BACE2: variants seen among roughly 807,000 people sequenced by gnomAD.
BACE2 encodes beta-secretase 2.
In BACE2, 17 loss-of-function variants were observed where a neutral mutation model predicts 46.2. The ratio of observed to expected loss-of-function variants is 0.37; its 90% CI spans 0.25 to 0.55. BACE2 has a LOEUF of 0.55. BACE2 is among the 20% of genes least tolerant of loss of function. BACE2 has a pLI of 0.82. For synonymous variants in BACE2, 277 were observed against 295.9 expected (o/e 0.94, Z 0.66); for missense variants, 595 against 698.1 (o/e 0.85, Z 1.66).
chr21:41,273,780 C>T (rs1325125741), intron 8 of BACE2, among the ~76,000 whole-genome samples: 6 of 152,168 alleles, frequency 3.9e-5, no homozygotes, highest in Admixed American at 3.9e-4. Flanking sequence ...GATAAATGTC[C>T]ATGAAATCTT....
chr21:41,172,371 A>G (rs1043642700), intron 1 of BACE2, among the ~76,000 whole-genome samples: 1 of 152,206 alleles, frequency 6.6e-6, no homozygotes, highest in Non-Finnish European at 1.5e-5. Context: ...GGAGTGTTGG[A>G]CACTCAAAGG....
chr21:41,265,604 C>G (rs2123642262), intron 8 of BACE2, among the ~76,000 whole-genome samples: 1 of 152,156 alleles, frequency 6.6e-6, no homozygotes, highest in East Asian at 1.9e-4. Context: ...TTGTCCTTTT[C>G]TATGAACTAC....
At chr21:41,254,633 G>A (rs1987729385) in intron 7 of BACE2, among the ~76,000 whole-genome samples, 2 of 152,216 alleles carry the variant, frequency 1.3e-5, no homozygotes, top group Admixed American at 6.5e-5. Flanking sequence ...CCAAGAAATT[G>A]TTACTGCTGG....
At chr21:41,258,091 T>A (rs1007879096) in intron 8 of BACE2, among the ~76,000 whole-genome samples, 1 of 151,606 alleles carries the variant, frequency 6.6e-6, no homozygotes, top group Non-Finnish European at 1.5e-5. Context: ...AGAGCCTGAA[T>A]CAGAAAAGTG....
intron 3 of BACE2, among the ~76,000 whole-genome samples, chr21:41,238,954 T>TAAAAAA (rs34474586): frequency 2.7e-4 from 23 of 85,670 alleles, no homozygotes; most frequent in South Asian, 4.8e-4. Flanking sequence ...AAAGTATAAT[T>TAAAAAA]AAAAAAAAAA....
intron 6 of BACE2, among the ~76,000 whole-genome samples, chr21:41,246,825 T>G (rs1181276828): frequency 6.6e-6 from 1 of 152,196 alleles, no homozygotes; most frequent in Non-Finnish European, 1.5e-5. Flanking sequence ...GCTGGATGCC[T>G]GGCGAGGGGT....
intron 7 of BACE2, among the ~76,000 whole-genome samples, chr21:41,251,795 G>A (rs368510465): frequency 1.3e-4 from 19 of 151,800 alleles, no homozygotes; most frequent in African/African-American, 3.9e-4. Flanking sequence ...GTGAGACTCT[G>A]TCTCAGAAAA....
chr21:41,194,676 A>C (rs953276049), intron 1 of BACE2, among the ~76,000 whole-genome samples: 2 of 152,294 alleles, frequency 1.3e-5, no homozygotes, highest in African/African-American at 4.8e-5. Context: ...TTTTTGAGCT[A>C]TTGGTCTGAT....
In BACE2 at chr21:41,257,258, T is replaced by C; in HGVS notation, c.1235T>C (p.Met412Thr). ...GCGCTGGTGATCGGTGCCACGGTGA[T>C]GGAGGGCTTCTACGTCATCTTCGAC... ...TNALVIGATV[M>T]EGFYVIFDRA... The change falls in exon 8 of 9, where the codon ATG becomes ACG. Residue 412 changes from methionine (M) to threonine (T), a missense_variant. By Grantham distance (81) the Met-to-Thr change is moderately conservative. Coordinates refer to ENST00000330333, the MANE Select transcript of BACE2 (RefSeq NM_012105.5). The C allele has an allele frequency of 6.2e-7, 1 of 1,614,196 alleles. No individual in the cohort carries two copies. Among genetic ancestry groups the C allele is most frequent in the Non-Finnish European group, 8.5e-7 (1 of 1,180,022 alleles).
chr21:41,251,552 G>C (rs1987640055), intron 7 of BACE2, among the ~76,000 whole-genome samples: 1 of 152,230 alleles, frequency 6.6e-6, no homozygotes. Flanking sequence ...TGTAATCCCA[G>C]CACTTTGGGA....
At chr21:41,211,319 G>A (rs1986296650) in intron 1 of BACE2, among the ~76,000 whole-genome samples, 3 of 152,090 alleles carry the variant, frequency 2.0e-5, no homozygotes, top group Admixed American at 2.0e-4. Flanking sequence ...TCTCACACAT[G>A]CACACACAGC....
At chr21:41,244,891 G>C (rs1182603509) in intron 5 of BACE2, among the ~76,000 whole-genome samples, 1 of 151,488 alleles carries the variant, frequency 6.6e-6, no homozygotes, top group Non-Finnish European at 1.5e-5. Flanking sequence ...GAGTGTGTGT[G>C]TATGTGTGTG....
At chr21:41,256,688 C>T (rs553503191) in intron 7 of BACE2, among the ~76,000 whole-genome samples, 90 of 152,304 alleles carry the variant, frequency 5.9e-4, no homozygotes, top group African/African-American at 2.1e-3. Context: ...CTGAACCAAA[C>T]CAATGGACAT....
intron 8 of BACE2, among the ~76,000 whole-genome samples, chr21:41,258,892 G>C (rs973027026): frequency 3.3e-5 from 5 of 152,148 alleles, no homozygotes; most frequent in African/African-American, 1.2e-4. Flanking sequence ...CTTTTAGCCT[G>C]TTCAGTTATC....
chr21:41,227,860 G>A (rs12627301), intron 2 of BACE2, among the ~76,000 whole-genome samples: 24 of 152,208 alleles, frequency 1.6e-4, no homozygotes, highest in African/African-American at 5.5e-4. Context: ...GATGGCTTAT[G>A]CTGCCCCGTC....
At chr21:41,197,018 A>G (rs1340784141) in intron 1 of BACE2, among the ~76,000 whole-genome samples, 1 of 152,154 alleles carries the variant, frequency 6.6e-6, no homozygotes, top group African/African-American at 2.4e-5. Context: ...GCTGAGTGCC[A>G]TGGCACAGTT....
intron 1 of BACE2, among the ~76,000 whole-genome samples, chr21:41,220,972 A>G (rs1365866720): frequency 6.6e-6 from 1 of 150,638 alleles, no homozygotes; most frequent in African/African-American, 2.4e-5. Flanking sequence ...AGGCGGGTGG[A>G]TCACTTGAAG....
intron 5 of BACE2, among the ~76,000 whole-genome samples, chr21:41,245,517 T>C (rs1458897195): frequency 6.6e-6 from 1 of 152,220 alleles, no homozygotes; most frequent in Non-Finnish European, 1.5e-5. Context: ...TGTTGAAAAA[T>C]TGTCCATCCT....
At chr21:41,257,791 A>G (rs552277437) in intron 8 of BACE2, among the ~76,000 whole-genome samples, 9 of 152,206 alleles carry the variant, frequency 5.9e-5, no homozygotes, top group Non-Finnish European at 1.0e-4. Context: ...TTCTCGTGGG[A>G]TTCCTTTGAA....
Sources: gnomAD v4.1 joint callset for allele counts (sites outside exome capture counted in the v4.1 genomes callset) on GRCh38, gnomAD v4.1.1 for gene constraint, MANE v1.5 for transcripts, NCBI Gene and HGNC (gene_info 2026-07-23, HGNC 2026-07-21) for gene names.